Variants in CAPN13 observed in about 807,000 individuals in gnomAD.
The protein encoded by CAPN13 is calpain-13.
In CAPN13, 90 loss-of-function variants were observed where a neutral mutation model predicts 98.4. The observed-to-expected ratio is 0.92, with a 90% CI of 0.77 to 1.09. The LOEUF is 1.09. CAPN13 is among the 50% of genes least tolerant of loss of function. CAPN13 has a pLI of 0.00. For synonymous variants in CAPN13, 330 were observed against 305.5 expected (o/e 1.08, Z -0.84); for missense variants, 887 against 841.3 (o/e 1.05, Z -0.67).
chr2:30,787,320 C>T lies in CAPN13; in HGVS notation c.6G>A (p.Ala2=), dbSNP rs377311890. The T allele has an allele frequency of 1.2e-4, 186 of 1,611,242 alleles. No homozygotes were observed. The highest frequency in any genetic ancestry group is 2.0e-4 in the African/African-American group (15 of 74,846). ...TCTCCACTGAAGGCTCCTGGTAATA[C>T]GCCATGACTCTCCTTAGAAGACTTC... M[A]YYQEPSVETS... Residue 2 remains alanine, a synonymous_variant, in exon 2 of 23, where the codon GCG becomes GCA. Coordinates refer to ENST00000295055, the MANE Select transcript of CAPN13 (RefSeq NM_144575.3).
At chr2:30,799,870 G>A (rs986531442) in intron 1 of CAPN13, among the ~76,000 whole-genome samples, 1 of 152,036 alleles carries the variant, frequency 6.6e-6, no homozygotes, top group Non-Finnish European at 1.5e-5. Context: ...TCAGGAGATC[G>A]AGACCATCCT....
At chr2:30,766,130 C>T (rs1673097522) in intron 5 of CAPN13, among the ~76,000 whole-genome samples, 1 of 152,240 alleles carries the variant, frequency 6.6e-6, no homozygotes, top group Non-Finnish European at 1.5e-5. Context: ...AGTGCTACCT[C>T]CTGCTCTTTG....
chr2:30,728,272 C>G (rs139862388), intron 22 of CAPN13, among the ~76,000 whole-genome samples: 1 of 151,342 alleles, frequency 6.6e-6, no homozygotes, highest in African/African-American at 2.4e-5. Context: ...CCTCTGACTA[C>G]GCTAAAAACC....
At chr2:30,789,180 A>T (rs191454978) in intron 1 of CAPN13, among the ~76,000 whole-genome samples, 6 of 152,348 alleles carry the variant, frequency 3.9e-5, no homozygotes, top group African/African-American at 1.4e-4. Flanking sequence ...ATCATTCAAG[A>T]GTAAGAAAAC....
intron 7 of CAPN13, among the ~76,000 whole-genome samples, chr2:30,758,851 T>TC (rs1672630799): frequency 8.0e-6 from 1 of 125,396 alleles, no homozygotes; most frequent in African/African-American, 3.2e-5. Flanking sequence ...TTTCCCTTTC[T>TC]CCCTCCCTCC....
chr2:30,732,663 ACCTCCCACCAACT>A (rs1310254266), intron 19 of CAPN13, 97 bp from the exon 20 acceptor site: 1 of 1,452,286 alleles, frequency 6.9e-7, no homozygotes, highest in Non-Finnish European at 9.2e-7. Flanking sequence ...GGGCCCGGCC[ACCTCCCACCAACT>A]CCTCCCACTC....
intron 1 of CAPN13, among the ~76,000 whole-genome samples, chr2:30,798,047 G>A (rs1412213840): frequency 6.6e-6 from 1 of 152,230 alleles, no homozygotes; most frequent in Non-Finnish European, 1.5e-5. Flanking sequence ...CAGAAATTTG[G>A]GGAAGAGTGA....
intron 1 of CAPN13, among the ~76,000 whole-genome samples, chr2:30,798,117 C>T (rs901296843): frequency 1.3e-5 from 2 of 152,240 alleles, no homozygotes; most frequent in Admixed American, 1.3e-4. Flanking sequence ...AATACAGTGG[C>T]CACTGGCCAT....
intron 11 of CAPN13, among the ~76,000 whole-genome samples, chr2:30,746,176 C>G (rs575696491): frequency 6.6e-6 from 1 of 152,200 alleles, no homozygotes; most frequent in African/African-American, 2.4e-5. Context: ...GGGTTATAGG[C>G]GTGAACCACT....
chr2:30,753,227 T>C (rs760968663), intron 9 of CAPN13, 29 bp from the exon 10 acceptor site: 22 of 1,611,994 alleles, frequency 1.4e-5, no homozygotes, highest in Non-Finnish European at 1.8e-5. Context: ...CATCACTCAG[T>C]GACCAGGGGT....
intron 1 of CAPN13, among the ~76,000 whole-genome samples, chr2:30,803,831 G>A (rs1342741544): frequency 6.6e-6 from 1 of 152,162 alleles, no homozygotes; most frequent in African/African-American, 2.4e-5. Context: ...TTCAACATGA[G>A]TATCATGGAT....
At chr2:30,770,693 G>A (rs1420479943) in intron 4 of CAPN13, among the ~76,000 whole-genome samples, 1 of 152,228 alleles carries the variant, frequency 6.6e-6, no homozygotes, top group Non-Finnish European at 1.5e-5. Flanking sequence ...AGCAGACTTG[G>A]GTTCTAGCTT....
intron 1 of CAPN13, among the ~76,000 whole-genome samples, chr2:30,801,563 C>A (rs557119219): frequency 2.1e-5 from 3 of 146,266 alleles, no homozygotes; most frequent in African/African-American, 7.7e-5. Flanking sequence ...CAAGATCATG[C>A]CATTGCACTC....
chr2:30,739,524 G>A (rs1472935531), intron 15 of CAPN13, among the ~76,000 whole-genome samples: 2 of 152,094 alleles, frequency 1.3e-5, no homozygotes, highest in African/African-American at 4.8e-5. Flanking sequence ...TGGTCCTCGG[G>A]TCATTTCACC....
chr2:30,757,930 G>A (rs1215993511), intron 8 of CAPN13, 116 bp downstream of exon 8: 5 of 741,888 alleles, frequency 6.7e-6, no homozygotes, highest in African/African-American at 1.8e-5. Context: ...GGTGTGAGCT[G>A]GACAGGCCTG....
chr2:30,765,824 G>A (rs1245556096), intron 5 of CAPN13, among the ~76,000 whole-genome samples: 2 of 152,230 alleles, frequency 1.3e-5, no homozygotes, highest in African/African-American at 2.4e-5. Flanking sequence ...CAGAACGAAG[G>A]GGCATCTCTA....
intron 4 of CAPN13, 109 bp downstream of exon 4, chr2:30,775,821 T>A (rs1286263942): frequency 6.7e-6 from 4 of 599,122 alleles, no homozygotes; most frequent in Non-Finnish European, 8.1e-6. Flanking sequence ...CTAACACAAC[T>A]GTCACTTTCA....
At chr2:30,803,560 C>A (rs969803952) in intron 1 of CAPN13, among the ~76,000 whole-genome samples, 10 of 152,196 alleles carry the variant, frequency 6.6e-5, no homozygotes, top group African/African-American at 2.4e-4. Context: ...TTGGGACTTA[C>A]TTGGCCGAAG....
chr2:30,740,099 T>G lies in CAPN13; in HGVS notation c.1537-1642A>C, dbSNP rs543410845. ...TGTATTAGGTTTTTTTTTTTTTTTT[T>G]TTTTTTTTTTTTTGAGATGGAGTCT... On this transcript the variant is annotated intron_variant, in intron 15 of 22. Coordinates refer to ENST00000295055, the MANE Select transcript of CAPN13 (RefSeq NM_144575.3). Among the ~76,000 whole-genome samples the G allele has an allele frequency of 1.6e-3, 234 of 145,274 alleles. 7 individuals are homozygous for G. The highest frequency in any genetic ancestry group is 6.0e-3 in the African/African-American group (223 of 37,340).
Sources: gnomAD v4.1 joint callset for allele counts (sites outside exome capture counted in the v4.1 genomes callset) on GRCh38, gnomAD v4.1.1 for gene constraint, MANE v1.5 for transcripts, NCBI Gene and HGNC (gene_info 2026-07-23, HGNC 2026-07-21) for gene names.